Variants in WASF3 observed in about 807,000 individuals in gnomAD.
The protein encoded by WASF3 is actin-binding protein WASF3.
WASF3 carries 11 observed loss-of-function variants against 46.6 expected under a neutral mutation model. The ratio of observed to expected loss-of-function variants is 0.24; its 90% CI spans 0.15 to 0.39. The LOEUF is 0.39. WASF3 is among the 10% of genes least tolerant of loss of function. The probability of loss-of-function intolerance (pLI) is 1.00; values close to 1 mark genes in which losing one functional copy is unlikely to be tolerated. For missense variants in WASF3, 576 were observed against 669.8 expected (o/e 0.86, Z 1.55); for synonymous variants, 242 against 259.7 (o/e 0.93, Z 0.65).
At chr13:26,559,087 T>C (rs192587373) in intron 1 of WASF3, among the ~76,000 whole-genome samples, 1 of 152,356 alleles carries the variant, frequency 6.6e-6, no homozygotes, top group Admixed American at 6.5e-5. Context: ...TTCTTTTATC[T>C]GCTTGAGAGG....
intron 1 of WASF3, among the ~76,000 whole-genome samples, chr13:26,569,779 TTGA>T (rs1879578392): frequency 1.3e-5 from 2 of 152,136 alleles, no homozygotes; most frequent in South Asian, 4.1e-4. Context: ...ATTGAAAAGA[TTGA>T]TGATATCAAT....
In WASF3 at chr13:26,606,012, A is replaced by G. The variant is rs1248617745; in HGVS notation, c.-108-6949A>G. On this transcript the variant is annotated intron_variant, in intron 1 of 9. Transcript: ENST00000335327. ...GTGAAACCCTGGGATTGGTACTGAG[A>G]TGCAGTGAACATGCCCCAGCTCTGG... 7.2e-5 allele frequency among the ~76,000 whole-genome samples: 11 copies of G among 152,284 alleles called. No homozygotes were observed. The East Asian group carries it at 1.9e-3, about 27-fold the overall frequency.
At chr13:26,673,641 A>G (rs9512325) in intron 6 of WASF3, among the ~76,000 whole-genome samples, 44,179 of 152,162 alleles carry the variant, frequency 0.29, 6,688 homozygotes, top group South Asian at 0.39. Context: ...TTTGCAGTTG[A>G]CAAATCTGAA....
intron 1 of WASF3, among the ~76,000 whole-genome samples, chr13:26,581,302 A>C (rs569789761): frequency 1.4e-4 from 22 of 152,234 alleles, no homozygotes; most frequent in African/African-American, 4.8e-4. Flanking sequence ...ATGTGAATGG[A>C]TGGAATGTGG....
chr13:26,609,817 T>C (rs924441594), intron 1 of WASF3, among the ~76,000 whole-genome samples: 5 of 152,106 alleles, frequency 3.3e-5, no homozygotes, highest in African/African-American at 9.7e-5. Flanking sequence ...AATATTTGAG[T>C]GTCTATATGC....
chr13:26,597,530 G>A (rs566631569), intron 1 of WASF3, among the ~76,000 whole-genome samples: 5 of 151,826 alleles, frequency 3.3e-5, no homozygotes, highest in East Asian at 1.9e-4. Flanking sequence ...TGTGCACAAC[G>A]TGCAGGTTTG....
intron 3 of WASF3, among the ~76,000 whole-genome samples, chr13:26,652,009 A>AG (rs1348195145): frequency 6.6e-6 from 1 of 152,236 alleles, no homozygotes; most frequent in African/African-American, 2.4e-5. Flanking sequence ...GAACAAAGGA[A>AG]GAAGGAACAG....
chr13:26,635,953 G>A (rs897629767), intron 2 of WASF3, among the ~76,000 whole-genome samples: 1 of 152,240 alleles, frequency 6.6e-6, no homozygotes, highest in East Asian at 1.9e-4. Flanking sequence ...TCCCAGTTAG[G>A]CTACATGGGG....
the WASF3 span, among the ~76,000 whole-genome samples, chr13:26,542,432 C>T: frequency 6.6e-6 from 1 of 152,160 alleles, no homozygotes; most frequent in Non-Finnish European, 1.5e-5. Context: ...TAGTCAGCAG[C>T]ATTATATTTG....
chr13:26,632,257 A>G (rs1593159400), intron 2 of WASF3, among the ~76,000 whole-genome samples: 1 of 152,232 alleles, frequency 6.6e-6, no homozygotes, highest in East Asian at 1.9e-4. Flanking sequence ...GCCGGTTTTC[A>G]GAGGGAATGC....
At chr13:26,676,796 T>C in intron 7 of WASF3, 72 bp downstream of exon 7, 2 of 1,446,874 alleles carry the variant, frequency 1.4e-6, no homozygotes, top group East Asian at 2.4e-5. Context: ...TATTATCATT[T>C]GAAATGCATC....
intron 6 of WASF3, among the ~76,000 whole-genome samples, chr13:26,674,281 G>C (rs1883001065): frequency 6.6e-6 from 1 of 152,110 alleles, no homozygotes. Context: ...AAGGGGAATA[G>C]TTATTCATTA....
At position 26,642,338 on chromosome 13, in the gene WASF3, C is replaced by T. The variant is rs1186172077; in HGVS notation, c.68C>T (p.Thr23Ile). The T allele has an allele frequency of 3.1e-6, 5 of 1,612,158 alleles. No individual in the cohort carries two copies. The highest frequency in any genetic ancestry group is 4.2e-6 in the Non-Finnish European group (5 of 1,179,352). ...CGGGGAGCTCTGCCTGAAGGGATTA[C>T]CAGCGAACTTGAATGTGTAACCAAT... ...LCRGALPEGI[T>I]SELECVTNST... Residue 23 changes from threonine (T) to isoleucine (I), a missense_variant, in exon 3 of 10, where the codon ACC becomes ATC. Coordinates refer to ENST00000335327, the MANE Select transcript of WASF3 (RefSeq NM_006646.6).
chr13:26,673,242 A>T (rs1232328989), intron 6 of WASF3, among the ~76,000 whole-genome samples: 1 of 152,000 alleles, frequency 6.6e-6, no homozygotes, highest in Non-Finnish European at 1.5e-5. Flanking sequence ...ATTTTTTGCC[A>T]CTCTTCTTGA....
At chr13:26,541,672 G>T in the WASF3 span, among the ~76,000 whole-genome samples, 2 of 151,420 alleles carry the variant, frequency 1.3e-5, no homozygotes, top group African/African-American at 4.9e-5. Flanking sequence ...TAGAAGAAAT[G>T]AGATCTCACT....
Position 26,681,186 on chromosome 13 carries a change from G to A in WASF3, c.849G>A (p.Glu283=), listed in dbSNP as rs754476093. The A allele has an allele frequency of 3.7e-6, 6 of 1,614,034 alleles. No individual in the cohort carries two copies. The highest frequency in any genetic ancestry group is 2.2e-5 in the East Asian group (1 of 44,870). Residue 283 remains glutamate, a synonymous_variant, in exon 8 of 10, where the codon GAG becomes GAA. Transcript: ENST00000335327. ...ACGGGCCTGCAAGCCAGGCTGCGGA[G>A]CATGAGTACCGGCCCCCATCTGCCT... The part of the protein sequence containing the change: ...PPHGPASQAA[E]HEYRPPSASA...
intron 2 of WASF3, among the ~76,000 whole-genome samples, chr13:26,636,376 T>G (rs1881820905): frequency 6.6e-6 from 1 of 152,152 alleles, no homozygotes; most frequent in Admixed American, 6.5e-5. Flanking sequence ...AAAAGCACAG[T>G]ATTTGGGCGG....
At chr13:26,678,523 C>G (rs191889059) in intron 7 of WASF3, among the ~76,000 whole-genome samples, 3 of 151,832 alleles carry the variant, frequency 2.0e-5, no homozygotes, top group African/African-American at 7.2e-5. Context: ...GGTATTATTT[C>G]GCAACATGAT....
intron 1 of WASF3, among the ~76,000 whole-genome samples, chr13:26,611,332 C>A (rs1400327620): frequency 6.6e-6 from 1 of 152,174 alleles, no homozygotes; most frequent in Non-Finnish European, 1.5e-5. Context: ...TAGCTCTATG[C>A]TTAGACCTGA....
Sources: gnomAD v4.1 joint callset for allele counts (sites outside exome capture counted in the v4.1 genomes callset) on GRCh38, gnomAD v4.1.1 for gene constraint, MANE v1.5 for transcripts, NCBI Gene and HGNC (gene_info 2026-07-23, HGNC 2026-07-21) for gene names.